Variants in TMEM131L observed in about 807,000 individuals in gnomAD.
TMEM131L encodes transmembrane protein 131-like.
TMEM131L carries 54 observed loss-of-function variants against 192.2 expected under a neutral mutation model. The observed-to-expected ratio is 0.28, with a 90% CI of 0.23 to 0.35. The LOEUF (loss-of-function observed/expected upper bound fraction) is 0.35, where lower values mean the gene tolerates loss of function less well. Among genes scored for constraint, TMEM131L ranks in the 10% least tolerant of loss-of-function variants. The pLI is 1.00. For missense variants in TMEM131L, 1,888 were observed against 1,972.9 expected, an observed-to-expected ratio of 0.96 and a Z score of 0.82; for synonymous variants, 701 against 704.9, an observed-to-expected ratio of 0.99 and a Z score of 0.09.
chr4:153,632,490 C>G (rs1306656161), intron 31 of TMEM131L: 3 of 508,924 alleles, frequency 5.9e-6, no homozygotes, highest in Non-Finnish European at 1.1e-5. Flanking sequence ...TTATGTGAGT[C>G]TCATCTTGTC....
intron 24 of TMEM131L, 83 bp from the exon 25 acceptor site, chr4:153,603,719 C>T: frequency 7.0e-7 from 1 of 1,419,084 alleles, no homozygotes; most frequent in Non-Finnish European, 9.5e-7. Flanking sequence ...TGATTGCTAC[C>T]CTTTTCTCAT....
At chr4:153,569,229 G>A (rs148716873) in intron 7 of TMEM131L, among the ~76,000 whole-genome samples, 192 of 152,278 alleles carry the variant, frequency 1.3e-3, no homozygotes, top group African/African-American at 4.4e-3. Context: ...TACCTGTTAA[G>A]CCTGAGATCA....
intron 7 of TMEM131L, among the ~76,000 whole-genome samples, chr4:153,562,100 C>T (rs182179442): frequency 2.7e-5 from 4 of 150,030 alleles, no homozygotes; most frequent in Admixed American, 1.3e-4. Flanking sequence ...TGCAGTGGTG[C>T]GATCTCAGCT....
chr4:153,555,819 A>T lies in TMEM131L; in HGVS notation c.341A>T (p.His114Leu), dbSNP rs1275990005. 1 of 1,551,484 alleles carries T rather than the reference A, an allele frequency of 6.4e-7. No individual in the cohort carries two copies. Among genetic ancestry groups the T allele is most frequent in the South Asian group, 1.2e-5 (1 of 84,046 alleles). Reference sequence around the variant, plus strand: ...GGACATCCTGTAGCAAAGATTCTCCATGCTTACAACCCTAGTAGGGACAGC... The same window carrying T: ...GGACATCCTGTAGCAAAGATTCTCCTTGCTTACAACCCTAGTAGGGACAGC... ...FLGHPVAKIL[H>L]AYNPSRDSEV... The change falls in exon 5 of 35, where the codon CAT becomes CTT. Residue 114 changes from histidine to leucine, a missense_variant. By Grantham distance (99) the His-to-Leu change is moderately conservative (BLOSUM62 -3). Transcript: ENST00000409959. The surrounding 1 kb of genome is among the most constrained non-coding windows in gnomAD (Gnocchi z 4.1).
chr4:153,611,453 A>T (rs1378156656), intron 25 of TMEM131L, among the ~76,000 whole-genome samples: 1 of 152,274 alleles, frequency 6.6e-6, no homozygotes, highest in Non-Finnish European at 1.5e-5. Context: ...AAAAACATGT[A>T]TATATAAAAT....
intron 3 of TMEM131L, among the ~76,000 whole-genome samples, chr4:153,482,849 C>G (rs896680207): frequency 1.3e-5 from 2 of 152,128 alleles, no homozygotes; most frequent in African/African-American, 4.8e-5. Context: ...TCTCAGCCTT[C>G]TAAAATGTTG....
intron 9 of TMEM131L, 148 bp downstream of exon 9, chr4:153,581,708 A>C: frequency 2.1e-6 from 1 of 469,196 alleles, no homozygotes; most frequent in Non-Finnish European, 3.5e-6. Context: ...ACTGGTTCTC[A>C]ACCTACAACT....
intron 3 of TMEM131L, among the ~76,000 whole-genome samples, chr4:153,490,098 G>A (rs190485963): frequency 7.9e-5 from 12 of 152,134 alleles, no homozygotes; most frequent in Admixed American, 2.6e-4. Context: ...CTCTTCCTGC[G>A]TCCGTGTATT....
At chr4:153,521,614 A>G (rs1419761159) in intron 3 of TMEM131L, among the ~76,000 whole-genome samples, 2 of 152,130 alleles carry the variant, frequency 1.3e-5, no homozygotes, top group Non-Finnish European at 2.9e-5. Context: ...AACTATCGCC[A>G]CCATCCGTCT....
intron 3 of TMEM131L, among the ~76,000 whole-genome samples, chr4:153,481,766 G>A (rs542953500): frequency 1.3e-5 from 2 of 152,208 alleles, no homozygotes; most frequent in East Asian, 3.9e-4. Context: ...TCGAACTCCT[G>A]GGCTCAAGTG....
At chr4:153,485,574 T>C (rs1732272548) in intron 3 of TMEM131L, among the ~76,000 whole-genome samples, 2 of 152,236 alleles carry the variant, frequency 1.3e-5, no homozygotes, top group South Asian at 2.1e-4. Context: ...TATTGTGCCT[T>C]GTACAACATT....
chr4:153,489,518 C>G (rs536438590), intron 3 of TMEM131L, among the ~76,000 whole-genome samples: 4 of 152,346 alleles, frequency 2.6e-5, no homozygotes, highest in African/African-American at 9.6e-5. Context: ...CACTCTCTCA[C>G]TCAGGCTGGA....
At chr4:153,630,133 G>C (rs1734114091) in intron 31 of TMEM131L, among the ~76,000 whole-genome samples, 1 of 152,210 alleles carries the variant, frequency 6.6e-6, no homozygotes, top group Non-Finnish European at 1.5e-5. Context: ...AGGGAGAATT[G>C]TCTCACAACA....
intron 3 of TMEM131L, among the ~76,000 whole-genome samples, chr4:153,501,201 AG>A (rs1733579944): frequency 1.4e-5 from 2 of 146,878 alleles, no homozygotes; most frequent in Non-Finnish European, 3.0e-5. Context: ...GGGTTTTGCA[AG>A]TTTTTTTTTT....
At chr4:153,631,814 A>G (rs573526870) in intron 31 of TMEM131L, among the ~76,000 whole-genome samples, 18 of 151,430 alleles carry the variant, frequency 1.2e-4, no homozygotes, top group African/African-American at 3.6e-4. Context: ...CTCATCCCCT[A>G]CTCTTCCACT....
chr4:153,505,516 C>T (rs1733927714), intron 3 of TMEM131L, among the ~76,000 whole-genome samples: 1 of 152,090 alleles, frequency 6.6e-6, no homozygotes, highest in South Asian at 2.1e-4. Flanking sequence ...CAAATATAGT[C>T]ACATTCTGAT....
intron 3 of TMEM131L, among the ~76,000 whole-genome samples, chr4:153,491,086 A>G (rs770525208): frequency 6.6e-6 from 1 of 152,160 alleles, no homozygotes; most frequent in Non-Finnish European, 1.5e-5. Flanking sequence ...CATGTGGAAT[A>G]GGCTTTATGG....
chr4:153,623,751 C>G (rs1239570316), intron 29 of TMEM131L, among the ~76,000 whole-genome samples: 1 of 152,166 alleles, frequency 6.6e-6, no homozygotes, highest in Non-Finnish European at 1.5e-5. Context: ...TAACTTTCAC[C>G]TTTTGGTTTG....
At chr4:153,479,775 T>C (rs939914360) in intron 3 of TMEM131L, among the ~76,000 whole-genome samples, 1 of 152,230 alleles carries the variant, frequency 6.6e-6, no homozygotes, top group African/African-American at 2.4e-5. Context: ...GAGAATCTCA[T>C]TGTCCTGTCA....
Sources: gnomAD v4.1 joint callset for allele counts (sites outside exome capture counted in the v4.1 genomes callset) on GRCh38, gnomAD v4.1.1 for gene constraint, Gnocchi (gnomAD v3.1) non-coding constraint, MANE v1.5 for transcripts, NCBI Gene and HGNC (gene_info 2026-07-23, HGNC 2026-07-21) for gene names.